RADIL: variants seen among roughly 807,000 people sequenced by gnomAD.
The protein encoded by RADIL is Rap associating with DIL domain.
RADIL carries 99 observed loss-of-function variants against 97.6 expected under a neutral mutation model. The observed-to-expected ratio is 1.01, with a 90% CI of 0.86 to 1.20. The LOEUF (loss-of-function observed/expected upper bound fraction) is 1.20. Among genes scored for constraint, RADIL ranks in the 50% most tolerant of loss-of-function variants. The pLI, the probability that RADIL is intolerant of heterozygous loss-of-function variation, is 0.00. For synonymous variants in RADIL, 803 were observed against 691.8 expected, an observed-to-expected ratio of 1.16 and a Z score of -2.52; for missense variants, 1,765 against 1,498.9, an observed-to-expected ratio of 1.18 and a Z score of -2.93.
At position 4,878,661 on chromosome 7, in the gene RADIL, G is replaced by C. The variant is rs2115054848; in HGVS notation, c.-64-458C>G. Among the ~76,000 whole-genome samples, 1 of 152,368 alleles carries C rather than the reference G, an allele frequency of 6.6e-6. No homozygotes were observed. The highest frequency in any genetic ancestry group is 1.9e-4 in the East Asian group (1 of 5,186). Reference sequence around the variant, plus strand: ...ACCAGAGACCGAGAGGACTAAACGGGCTGGAGCGCCCTTCAAGGAAAGCCA... The same window carrying C: ...ACCAGAGACCGAGAGGACTAAACGGCCTGGAGCGCCCTTCAAGGAAAGCCA... On this transcript the variant is annotated intron_variant, in intron 1 of 14. Transcript: ENST00000399583. This position sits in a 1 kb window ranked among gnomAD's most constrained non-coding sequence, Gnocchi z 4.1.
intron 5 of RADIL, among the ~76,000 whole-genome samples, chr7:4,825,774 G>T (rs1469276581): frequency 2.6e-5 from 4 of 151,632 alleles, no homozygotes; most frequent in Non-Finnish European, 2.9e-5. Context: ...TACTCAGGAG[G>T]CTGAGGCAAA....
chr7:4,874,044 A>C (rs2115048695), intron 2 of RADIL, among the ~76,000 whole-genome samples: 1 of 152,344 alleles, frequency 6.6e-6, no homozygotes, highest in Middle Eastern at 3.4e-3. Flanking sequence ...GGACACAGCA[A>C]AGGCTCAGTG....
At chr7:4,831,701 G>A (rs1783144241) in intron 5 of RADIL, among the ~76,000 whole-genome samples, 1 of 147,416 alleles carries the variant, frequency 6.8e-6, no homozygotes, top group Non-Finnish European at 1.5e-5. Context: ...CCAATATCGT[G>A]AAACCCCATC....
chr7:4,881,451 G>A (rs1450628770), intron 1 of RADIL, among the ~76,000 whole-genome samples: 1 of 147,282 alleles, frequency 6.8e-6, no homozygotes, highest in African/African-American at 2.5e-5. Flanking sequence ...AATTGGCTGG[G>A]CATGGTGGTT....
At chr7:4,831,704 ACC>A (rs916393291) in intron 5 of RADIL, among the ~76,000 whole-genome samples, 9 of 146,852 alleles carry the variant, frequency 6.1e-5, no homozygotes, top group Admixed American at 4.8e-4. Flanking sequence ...ATATCGTGAA[ACC>A]CCATCTCTAC....
chr7:4,820,423 A>C (rs1429636290), intron 6 of RADIL, among the ~76,000 whole-genome samples: 1 of 152,228 alleles, frequency 6.6e-6, no homozygotes, highest in East Asian at 1.9e-4. Context: ...GCCAGAGGAA[A>C]GGTCTACCCT....
intron 2 of RADIL, chr7:4,857,594 C>T (rs921963104): frequency 1.3e-5 from 2 of 152,478 alleles, no homozygotes; most frequent in African/African-American, 4.8e-5. Flanking sequence ...TTTCATGTTT[C>T]CCTAAACATT....
Position 4,816,417 on chromosome 7 carries a change from T to C in RADIL, c.1777A>G (p.Thr593Ala). Residue 593 changes from threonine (T) to alanine (A), a missense_variant, in exon 8 of 15, where the codon ACG (threonine) becomes GCG (alanine). By Grantham distance (58) the Thr-to-Ala change is moderately conservative. Coordinates refer to ENST00000399583, the MANE Select transcript of RADIL (RefSeq NM_018059.5). ...PALLECPPFQ[T>A]ERRESWSSAP... ...GAGGACCAGCTCTCACGGCGCTCCGTCTGGAATGGCGGGCACTCCAGGAGT... is the reference window on the plus strand; with the variant it reads ...GAGGACCAGCTCTCACGGCGCTCCGCCTGGAATGGCGGGCACTCCAGGAGT... 6 of 1,609,156 alleles carry C rather than the reference T, an allele frequency of 3.7e-6. No individual in the cohort carries two copies. The highest frequency in any genetic ancestry group is 3.4e-6 in the Non-Finnish European group (4 of 1,178,744).
chr7:4,867,617 T>A lies in RADIL; in HGVS notation c.535+9988A>T, dbSNP rs1474668475. ...CAACATAGTGAGGCCCTGTCTCTAT[T>A]TTTAAAATAAATAAGTAAATAAATA... On this transcript the variant is annotated intron_variant, in intron 2 of 14. Transcript: ENST00000399583. The surrounding 1 kb of genome is among the most constrained non-coding windows in gnomAD (Gnocchi z 4.1). 2.6e-5 allele frequency among the ~76,000 whole-genome samples: 4 copies of A among 151,400 alleles called. No homozygotes were observed. The East Asian group carries it at 7.7e-4, about 29-fold the overall frequency.
chr7:4,805,942 C>A, intron 9 of RADIL: 2 of 985,432 alleles, frequency 2.0e-6, no homozygotes, highest in Non-Finnish European at 2.4e-6. Context: ...CCATCGGGAA[C>A]CCCCTGCCCA....
chr7:4,859,242 T>G (rs1783910739), intron 2 of RADIL: 1 of 152,680 alleles, frequency 6.5e-6, no homozygotes, highest in Non-Finnish European at 1.5e-5. Context: ...AAAATAAAAT[T>G]CACCAATTTG....
rs370378121 is a variant in RADIL at position 4,816,418 on chromosome 7, C to G, written c.1776G>C (p.Gln592His). Residue 592 changes from glutamine (Q) to histidine (H), a missense_variant, in exon 8 of 15, where the codon CAG (glutamine) becomes CAC (histidine). Transcript: ENST00000399583. ...AGGACCAGCTCTCACGGCGCTCCGT[C>G]TGGAATGGCGGGCACTCCAGGAGTG... ...LPALLECPPF[Q>H]TERRESWSSA... 4.4e-6 allele frequency: 7 copies of G among 1,609,132 alleles called. No homozygotes were observed. Among genetic ancestry groups the G allele is most frequent in the Non-Finnish European group, 5.9e-6 (7 of 1,178,724 alleles).
At chr7:4,803,078 C>T (rs1251872838) in intron 11 of RADIL, among the ~76,000 whole-genome samples, 2 of 67,196 alleles carry the variant, frequency 3.0e-5, no homozygotes, top group Admixed American at 2.3e-4. Context: ...CTGGCTGGGT[C>T]CCCTCCCCGG....
At chr7:4,804,629 ATACAAAAAT>A (rs1226291713) in intron 10 of RADIL, among the ~76,000 whole-genome samples, 1 of 152,140 alleles carries the variant, frequency 6.6e-6, no homozygotes, top group African/African-American at 2.4e-5. Flanking sequence ...TCTACCAAAA[ATACAAAAAT>A]TAGCCAGGCA....
intron 9 of RADIL, among the ~76,000 whole-genome samples, chr7:4,812,606 G>A (rs1276467762): frequency 6.6e-6 from 1 of 152,026 alleles, no homozygotes. Flanking sequence ...ATTTTTAGTT[G>A]AGACGGGGTA....
chr7:4,868,652 A>T (rs147961455), intron 2 of RADIL, among the ~76,000 whole-genome samples: 37 of 152,206 alleles, frequency 2.4e-4, no homozygotes, highest in African/African-American at 8.0e-4. Flanking sequence ...ATCTTTAGAC[A>T]TGCATTACTT....
rs189225570 is a variant in RADIL at position 4,849,942 on chromosome 7, A to G, written c.536-13337T>C. ...GGTGGTTAACACTGGTGATCTTACTACTGATAACATCTTTTCTTGGTGAAA... is the reference window on the plus strand; with the variant it reads ...GGTGGTTAACACTGGTGATCTTACTGCTGATAACATCTTTTCTTGGTGAAA... On this transcript the variant is annotated intron_variant, in intron 2 of 14. Transcript: ENST00000399583. This position sits in a 1 kb window ranked among gnomAD's most constrained non-coding sequence, Gnocchi z 5.4. Among the ~76,000 whole-genome samples the G allele has an allele frequency of 8.7e-4, 110 of 125,948 alleles. No homozygotes were observed. The highest frequency in any genetic ancestry group is 3.8e-3 in the African/African-American group (107 of 28,532). 82.6% of individuals were successfully genotyped at this position (125,948 alleles called of 152,430 possible).
chr7:4,844,850 C>T (rs568585406), intron 2 of RADIL, among the ~76,000 whole-genome samples: 2 of 152,198 alleles, frequency 1.3e-5, no homozygotes, highest in East Asian at 3.9e-4. Context: ...GCAATCCTCC[C>T]GCCTCAGTCT....
intron 2 of RADIL, among the ~76,000 whole-genome samples, chr7:4,866,329 G>C (rs1317658491): frequency 1.3e-5 from 2 of 152,028 alleles, no homozygotes; most frequent in African/African-American, 4.8e-5. Context: ...CTAGACTCTT[G>C]ACTCCATGAA....
Sources: allele counts gnomAD v4.1 joint callset (sites outside exome capture counted in the v4.1 genomes callset), GRCh38; gene constraint gnomAD v4.1.1; non-coding constraint Gnocchi (gnomAD v3.1); transcripts MANE v1.5; gene names NCBI Gene and HGNC (gene_info 2026-07-23, HGNC 2026-07-21).